SNX29: variants seen among roughly 807,000 people sequenced by gnomAD.
The protein encoded by SNX29 is sorting nexin 29.
Under a neutral mutation model 102.1 loss-of-function variants are expected in SNX29, and 78 were observed. The observed-to-expected ratio is 0.76, with a 90% confidence interval of 0.64 to 0.92. The LOEUF (loss-of-function observed/expected upper bound fraction) is 0.92, where lower values mean the gene tolerates loss of function less well. SNX29 is among the 40% of genes least tolerant of loss of function. The pLI, the probability that SNX29 is intolerant of heterozygous loss-of-function variation, is 0.00. For synonymous variants in SNX29, 580 were observed against 414.5 expected (o/e 1.40, Z -4.85); for missense variants, 1,280 against 1,061.7 (o/e 1.21, Z -2.86).
rs537624555 is a variant in SNX29, at chr16:12,378,651, C to A, written c.1900-19795C>A. ...ACCTCTCATGTGGCCCCACTTCCAACATTGGGGGATGAATTTCAACATGAG... is the reference window on the plus strand; with the variant it reads ...ACCTCTCATGTGGCCCCACTTCCAAAATTGGGGGATGAATTTCAACATGAG... On this transcript the variant is annotated intron_variant, in intron 16 of 20. Transcript: ENST00000566228. Among the ~76,000 whole-genome samples, 5 of 152,296 alleles carry A rather than the reference C, an allele frequency of 3.3e-5. No homozygotes were observed. In the East Asian group the frequency reaches 9.7e-4, roughly 29 times the overall value.
Position 12,448,790 on chromosome 16 carries a change from A to G in SNX29, c.2038-28929A>G, listed in dbSNP as rs182664554. 3.4e-3 allele frequency among the ~76,000 whole-genome samples: 520 copies of G among 152,314 alleles called. 4 individuals carry two copies. Among genetic ancestry groups the G allele is most frequent in the Non-Finnish European group, 5.0e-3 (338 of 68,026 alleles). On this transcript the variant is annotated intron_variant, in intron 18 of 20. Transcript: ENST00000566228. The stretch of plus-strand genomic sequence containing the variant: ...CTGTCAGTCTTTCTCCAAGACAACA[A>G]GCTGTCCTGATCAGGTGCATCAAAC...
chr16:12,555,296 C>G (rs1456676949), intron 20 of SNX29, among the ~76,000 whole-genome samples: 1 of 151,370 alleles, frequency 6.6e-6, no homozygotes, highest in African/African-American at 2.4e-5. Flanking sequence ...GGGGTGCTGT[C>G]CAGTCAATCC....
At chr16:12,124,692 C>T (rs1180854227) in intron 11 of SNX29, among the ~76,000 whole-genome samples, 2 of 152,212 alleles carry the variant, frequency 1.3e-5, no homozygotes, top group East Asian at 3.8e-4. Context: ...GTTCCTTGCT[C>T]AGCTGCATTT....
At chr16:11,993,321 T>C (rs555887294) in intron 1 of SNX29, among the ~76,000 whole-genome samples, 18 of 152,084 alleles carry the variant, frequency 1.2e-4, no homozygotes, top group Non-Finnish European at 2.4e-4. Flanking sequence ...CTCCTGCTTG[T>C]TTTCTCCTCC....
chr16:12,303,069 G>T (rs1432597560), intron 15 of SNX29, among the ~76,000 whole-genome samples: 1 of 152,198 alleles, frequency 6.6e-6, no homozygotes, highest in African/African-American at 2.4e-5. Flanking sequence ...AACAAATGCA[G>T]CCCAAACCAT....
At chr16:12,093,065 T>C (rs920520362) in intron 11 of SNX29, among the ~76,000 whole-genome samples, 7 of 152,198 alleles carry the variant, frequency 4.6e-5, no homozygotes, top group Non-Finnish European at 8.8e-5. Flanking sequence ...ATGGAGTTTG[T>C]AGAGGTGAAT....
At chr16:12,284,120 G>T (rs1468413059) in intron 15 of SNX29, among the ~76,000 whole-genome samples, 1 of 152,174 alleles carries the variant, frequency 6.6e-6, no homozygotes, top group African/African-American at 2.4e-5. Flanking sequence ...TTTTTCAGCA[G>T]TTGTCTTCAC....
intron 18 of SNX29, among the ~76,000 whole-genome samples, chr16:12,457,556 G>A (rs1189849927): frequency 6.6e-6 from 1 of 152,226 alleles, no homozygotes; most frequent in African/African-American, 2.4e-5. Context: ...GAAGAACACA[G>A]ATTAGGTGGG....
Position 12,569,067 on chromosome 16 carries a change from C to G in SNX29, c.*438C>G, listed in dbSNP as rs538934266. The G allele has an allele frequency of 1.0e-5, 2 of 199,616 alleles. No individual in the cohort carries two copies. Among genetic ancestry groups the G allele is most frequent in the East Asian group, 1.4e-4 (2 of 13,818 alleles). The allele number at this position is 199,616 out of a possible 1,614,324, so 12.4% of individuals were successfully genotyped here. On this transcript the variant is annotated 3_prime_UTR_variant, in exon 21 of 21. Coordinates refer to ENST00000566228, the MANE Select transcript of SNX29 (RefSeq NM_032167.5). ...TGGGGACTAGAATGACTATTAGCCT[C>G]TCCTTTTGCTTTTTAAGGTTATTAC...
intron 16 of SNX29, among the ~76,000 whole-genome samples, chr16:12,371,302 C>T (rs1384088213): frequency 6.6e-6 from 1 of 151,276 alleles, no homozygotes; most frequent in Non-Finnish European, 1.5e-5. Context: ...TCCTTCCTTT[C>T]CTCTTTCCTA....
intron 15 of SNX29, among the ~76,000 whole-genome samples, chr16:12,352,473 A>T (rs1360676066): frequency 6.6e-6 from 1 of 152,234 alleles, no homozygotes; most frequent in East Asian, 1.9e-4. Flanking sequence ...ATACGTAACA[A>T]ACCTGCACGT....
chr16:12,024,218 A>G (rs532197474), intron 3 of SNX29, among the ~76,000 whole-genome samples: 4 of 151,156 alleles, frequency 2.6e-5, no homozygotes, highest in African/African-American at 9.7e-5. Context: ...GGCTCACGGC[A>G]ACCTCCGCCT....
intron 16 of SNX29, among the ~76,000 whole-genome samples, chr16:12,380,720 C>CCACCCACCATCAATTCCATA (rs2083070010): frequency 7.5e-6 from 1 of 133,418 alleles, no homozygotes; most frequent in Admixed American, 7.3e-5. Context: ...TCAATTCCAT[C>CCACCCACCATCAATTCCATA]CACCCGCCAT....
At chr16:12,056,217 G>A (rs1202973423) in intron 8 of SNX29, among the ~76,000 whole-genome samples, 2 of 152,196 alleles carry the variant, frequency 1.3e-5, no homozygotes, top group African/African-American at 4.8e-5. Context: ...CCTTTGAGGA[G>A]ATGCTGCTTG....
chr16:12,445,828 G>A (rs369266641), intron 18 of SNX29, among the ~76,000 whole-genome samples: 5 of 152,052 alleles, frequency 3.3e-5, no homozygotes, highest in African/African-American at 2.4e-5. Flanking sequence ...TCGGGACAAC[G>A]CTAGGAAGAA....
chr16:12,515,736 C>G, intron 19 of SNX29: 1 of 411,384 alleles, frequency 2.4e-6, no homozygotes, highest in African/African-American at 2.0e-5. Context: ...GGGCAGGGGT[C>G]ACATCTGTTT....
intron 1 of SNX29, among the ~76,000 whole-genome samples, chr16:11,983,411 T>A (rs1256211555): frequency 2.0e-5 from 3 of 152,036 alleles, no homozygotes; most frequent in Non-Finnish European, 4.4e-5. Context: ...AAGGTCACAG[T>A]TTTCTCCTCG....
intron 15 of SNX29, among the ~76,000 whole-genome samples, chr16:12,307,399 A>T (rs1368855237): frequency 6.6e-6 from 1 of 152,214 alleles, no homozygotes; most frequent in African/African-American, 2.4e-5. Context: ...AATTCCTGTC[A>T]TTAAATGAGG....
At chr16:12,454,529 A>G (rs530634764) in intron 18 of SNX29, among the ~76,000 whole-genome samples, 1 of 152,220 alleles carries the variant, frequency 6.6e-6, no homozygotes, top group South Asian at 2.1e-4. Flanking sequence ...ATGAGTTTCC[A>G]TGGGCCACAG....
Sources: gnomAD v4.1 joint callset for allele counts (sites outside exome capture counted in the v4.1 genomes callset) on GRCh38, gnomAD v4.1.1 for gene constraint, MANE v1.5 for transcripts, NCBI Gene and HGNC (gene_info 2026-07-23, HGNC 2026-07-21) for gene names.